Variants in REST observed in about 807,000 individuals in gnomAD.
REST encodes the protein RE1 silencing transcription factor.
Under a neutral mutation model 30.4 loss-of-function variants are expected in REST, and 1 was observed. The ratio of observed to expected loss-of-function variants is 0.03; its 90% CI spans 0.01 to 0.16. REST has a LOEUF of 0.16. Ranked by LOEUF, REST falls within the 10% of genes least tolerant of loss-of-function variation. The pLI is 1.00. For synonymous variants in REST, 504 were observed against 451.1 expected, an observed-to-expected ratio of 1.12 and a Z score of -1.49; for missense variants, 1,259 against 1,329.5, an observed-to-expected ratio of 0.95 and a Z score of 0.82.
At position 56,931,487 on chromosome 4, in the gene REST, T is replaced by G; in HGVS notation, c.2629T>G (p.Ser877Ala). ...AAAGGAAAATTTAAGAGAAGAGGCA[T>G]CAGGAGACCAAAAATTACTCAACAC... ...LPKENLREEA[S>A]GDQKLLNTGE... Residue 877 changes from serine (S) to alanine (A), a missense_variant, in exon 4 of 4, where the codon TCA becomes GCA. Ser to Ala is a moderately conservative substitution (Grantham distance 99). Transcript: ENST00000309042. The G allele has an allele frequency of 6.2e-7, 1 of 1,614,104 alleles. No individual in the cohort carries two copies. The highest frequency in any genetic ancestry group is 8.5e-7 in the Non-Finnish European group (1 of 1,180,018).
chr4:56,927,627 A>G, intron 3 of REST: 2 of 1,208,428 alleles, frequency 1.7e-6, no homozygotes, highest in Middle Eastern at 2.3e-4. Flanking sequence ...GGGTATGGAT[A>G]CCATTTGGTA....
chr4:56,926,220 T>C (rs999613276), intron 3 of REST, among the ~76,000 whole-genome samples: 1 of 151,688 alleles, frequency 6.6e-6, no homozygotes, highest in Non-Finnish European at 1.5e-5. Flanking sequence ...CCACCACGCC[T>C]GGCTAAGTTT....
chr4:56,925,337 G>A (rs1373195728), intron 3 of REST, among the ~76,000 whole-genome samples: 1 of 151,950 alleles, frequency 6.6e-6, no homozygotes, highest in Admixed American at 6.6e-5. Flanking sequence ...CTCAGCCTCT[G>A]GAGTAGGTGG....
rs1720935719 is a variant in REST at position 56,930,907 on chromosome 4, T to C, written c.2049T>C (p.Ala683=). The change falls in exon 4 of 4, where the codon GCT becomes GCC. Residue 683 remains alanine, a synonymous_variant. Coordinates refer to ENST00000309042, the MANE Select transcript of REST (RefSeq NM_005612.5). ...TGGTGGGTGCCCAAATTGTACTTGC[T>C]CACATGGAGCTGCCTCCTCCCATGG... ...AQMVGAQIVL[A]HMELPPPMET... The C allele has an allele frequency of 6.2e-7, 1 of 1,613,622 alleles. No individual in the cohort carries two copies. Among genetic ancestry groups the C allele is most frequent in the African/African-American group, 1.3e-5 (1 of 74,908 alleles).
In REST at chr4:56,910,917, T is replaced by G; in HGVS notation, c.279T>G (p.Leu93=). The G allele has an allele frequency of 1.2e-6, 2 of 1,614,126 alleles. No individual in the cohort carries two copies. Among genetic ancestry groups the G allele is most frequent in the Non-Finnish European group, 1.7e-6 (2 of 1,180,026 alleles). ...NFSDSEEGEG[L]EESADIKGEP... ...CAGATAGTGAAGAAGGAGAAGGACTTGAAGAGTCTGCTGATATAAAAGGTG... is the reference window on the plus strand; with the variant it reads ...CAGATAGTGAAGAAGGAGAAGGACTGGAAGAGTCTGCTGATATAAAAGGTG... The change falls in exon 2 of 4, where the codon CTT becomes CTG. Residue 93 remains leucine, a synonymous_variant. Coordinates refer to ENST00000309042, the MANE Select transcript of REST (RefSeq NM_005612.5).
At chr4:56,914,970 G>A (rs1005299135) in intron 2 of REST, among the ~76,000 whole-genome samples, 3 of 143,764 alleles carry the variant, frequency 2.1e-5, no homozygotes, top group African/African-American at 7.8e-5. Flanking sequence ...TGTCGCCCAG[G>A]GTGGAGTGCA....
chr4:56,925,974 G>A (rs1365361118), intron 3 of REST, among the ~76,000 whole-genome samples: 1 of 152,112 alleles, frequency 6.6e-6, no homozygotes, highest in Non-Finnish European at 1.5e-5. Flanking sequence ...TATTTTATTA[G>A]TGTGTAAATA....
chr4:56,908,953 G>C (rs1356385551), intron 1 of REST: 1 of 151,596 alleles, frequency 6.6e-6, no homozygotes, highest in Non-Finnish European at 1.5e-5. Flanking sequence ...CGCCCGCGGA[G>C]CCTCCCCGGC....
intron 2 of REST, among the ~76,000 whole-genome samples, chr4:56,916,821 A>G (rs1391264188): frequency 1.3e-5 from 2 of 152,190 alleles, no homozygotes; most frequent in African/African-American, 4.8e-5. Flanking sequence ...TAATGCTGCT[A>G]TGAATATTCA....
At chr4:56,928,117 T>A (rs1720792725) in intron 3 of REST, among the ~76,000 whole-genome samples, 1 of 152,194 alleles carries the variant, frequency 6.6e-6, no homozygotes, top group Non-Finnish European at 1.5e-5. Flanking sequence ...TTATTTTTAT[T>A]TATTTTTGAG....
Position 56,931,400 on chromosome 4 carries a change from A to G in REST, c.2542A>G (p.Ser848Gly), listed in dbSNP as rs2109577763. The change falls in exon 4 of 4, where the codon AGC (serine) becomes GGC (glycine). Residue 848 changes from serine to glycine, a missense_variant. Ser to Gly is a moderately conservative substitution (Grantham distance 56). This residue lies in a region of REST where 856 missense variants were observed against 772.8 expected (regional missense o/e 1.11). Coordinates refer to ENST00000309042, the MANE Select transcript of REST (RefSeq NM_005612.5). Reference sequence around the variant, plus strand: ...AGTTGGCTTAGTGCCTGTTAAAGATAGCTGGCTTCTAAAGGAAAGTGTAAG... The same window carrying G: ...AGTTGGCTTAGTGCCTGTTAAAGATGGCTGGCTTCTAAAGGAAAGTGTAAG... Reference protein sequence around the residue: ...IEVGLVPVKDSWLLKESVSTE... With the variant: ...IEVGLVPVKDGWLLKESVSTE... 1 of 1,614,286 alleles carries G rather than the reference A, an allele frequency of 6.2e-7. No individual in the cohort carries two copies. The highest frequency in any genetic ancestry group is 8.5e-7 in the Non-Finnish European group (1 of 1,180,054).
chr4:56,915,690 G>A (rs1379606030), intron 2 of REST, among the ~76,000 whole-genome samples: 1 of 152,192 alleles, frequency 6.6e-6, no homozygotes, highest in African/African-American at 2.4e-5. Flanking sequence ...GAAGAGTAGA[G>A]ACAGAAAAGA....
chr4:56,930,262 A>G lies in REST; in HGVS notation c.1404A>G (p.Ala468=), dbSNP rs771090894. The change falls in exon 4 of 4, where the codon GCA becomes GCG. Residue 468 remains alanine, a synonymous_variant. Transcript: ENST00000309042. ...AGAAAAATGAAAAGTCCGTCAAAGC[A>G]GAGAAAAGAGATGTCTCAAAAGAGA... The part of the protein sequence containing the change: ...AGKKNEKSVK[A]EKRDVSKEKK... 6.2e-7 allele frequency: 1 copy of G among 1,611,564 alleles called. No homozygotes were observed. Among genetic ancestry groups the G allele is most frequent in the African/African-American group, 1.3e-5 (1 of 74,790 alleles).
At chr4:56,915,787 G>A (rs1720168776) in intron 2 of REST, among the ~76,000 whole-genome samples, 1 of 152,098 alleles carries the variant, frequency 6.6e-6, no homozygotes, top group Non-Finnish European at 1.5e-5. Flanking sequence ...GATTGGCTTA[G>A]TGGGCTTAAT....
intron 3 of REST, among the ~76,000 whole-genome samples, chr4:56,926,537 TA>T (rs1229201149): frequency 1.3e-5 from 2 of 151,908 alleles, no homozygotes; most frequent in Non-Finnish European, 2.9e-5. Flanking sequence ...TCACCACGCC[TA>T]GCTAATTTTT....
chr4:56,915,588 A>G (rs781663), intron 2 of REST, among the ~76,000 whole-genome samples: 33,644 of 151,882 alleles, frequency 0.22, 3,842 homozygotes, highest in East Asian at 0.4. Flanking sequence ...TATAGATTGA[A>G]GGTTAATATT....
At chr4:56,910,604 CTTGTT>C (rs747948651) in intron 1 of REST, 21 bp from the exon 2 acceptor site, 38 of 1,556,738 alleles carry the variant, frequency 2.4e-5, no homozygotes, top group African/African-American at 2.7e-5. Flanking sequence ...AACTGGTGCT[CTTGTT>C]TTGTTTTGTT....
chr4:56,933,060 T>C lies in REST; in HGVS notation c.*908T>C, dbSNP rs755332703. 6.6e-5 allele frequency: 10 copies of C among 152,240 alleles called. No homozygotes were observed. Among genetic ancestry groups the C allele is most frequent in the Admixed American group, 1.3e-4 (2 of 15,278 alleles). 9.4% of individuals were successfully genotyped at this position (152,240 alleles called of 1,614,324 possible). A position where few individuals can be genotyped will look rare whatever the true frequency, so the allele number is the denominator to read the frequency against. On this transcript the variant is annotated 3_prime_UTR_variant, in exon 4 of 4. Transcript: ENST00000309042. ...TATTGATTTTGATTTTTACATCTTATATCTATGCCAGAATCTGTATTTCAT... is the reference window on the plus strand; with the variant it reads ...TATTGATTTTGATTTTTACATCTTACATCTATGCCAGAATCTGTATTTCAT...
rs775554187 is a variant in REST at position 56,931,014 on chromosome 4, C to T, written c.2156C>T (p.Ala719Val). 2 of 1,614,232 alleles carry T rather than the reference C, an allele frequency of 1.2e-6. No homozygotes were observed. The highest frequency in any genetic ancestry group is 1.7e-6 in the Non-Finnish European group (2 of 1,180,044). Residue 719 changes from alanine (A) to valine (V), a missense_variant, in exon 4 of 4, where the codon GCT becomes GTT. Transcript: ENST00000309042. ...AQMEVAQVES[A>V]PMQVVQKEPV... Reference sequence around the variant, plus strand: ...ATGGAGGTTGCCCAGGTAGAATCTGCTCCCATGCAGGTGGTCCAGAAGGAG... The same window carrying T: ...ATGGAGGTTGCCCAGGTAGAATCTGTTCCCATGCAGGTGGTCCAGAAGGAG...
Sources: gnomAD v4.1 joint callset for allele counts (sites outside exome capture counted in the v4.1 genomes callset) on GRCh38, gnomAD v4.1.1 for gene constraint, gnomAD v4.1.1 regional missense constraint, MANE v1.5 for transcripts, NCBI Gene and HGNC (gene_info 2026-07-23, HGNC 2026-07-21) for gene names.